Variants in IMMP2L observed in about 807,000 individuals in gnomAD.
IMMP2L encodes the protein inner mitochondrial membrane peptidase subunit 2, also known as mitochondrial inner membrane protease subunit 2.
A neutral mutation model predicts 19.3 loss-of-function variants in IMMP2L; 18 were observed. The ratio of observed to expected loss-of-function variants is 0.93; its 90% CI spans 0.64 to 1.38. The LOEUF is 1.38. Among genes scored for constraint, IMMP2L ranks in the 40% most tolerant of loss-of-function variants. The pLI is 0.00. For missense variants in IMMP2L, 233 were observed against 218.2 expected, an observed-to-expected ratio of 1.07 and a Z score of -0.43; for synonymous variants, 76 against 73.0, an observed-to-expected ratio of 1.04 and a Z score of -0.21.
intron 5 of IMMP2L, among the ~76,000 whole-genome samples, chr7:110,751,664 G>A (rs1797727171): frequency 6.6e-6 from 1 of 151,944 alleles, no homozygotes; most frequent in African/African-American, 2.4e-5. Context: ...TTAGTAACCA[G>A]GAAATTCTAA....
intron 4 of IMMP2L, among the ~76,000 whole-genome samples, chr7:110,914,835 T>A (rs1382890510): frequency 6.6e-6 from 1 of 152,156 alleles, no homozygotes. Context: ...GAAGACCTCC[T>A]ATATGAAAAC....
At chr7:111,093,905 C>A (rs1797129073) in intron 3 of IMMP2L, among the ~76,000 whole-genome samples, 1 of 152,070 alleles carries the variant, frequency 6.6e-6, no homozygotes, top group Non-Finnish European at 1.5e-5. Flanking sequence ...AGGCAACATG[C>A]TGAGTTAGAA....
chr7:111,498,739 T>C (rs1329178355), intron 2 of IMMP2L, among the ~76,000 whole-genome samples: 1 of 152,122 alleles, frequency 6.6e-6, no homozygotes, highest in African/African-American at 2.4e-5. Flanking sequence ...GGATTTTAGA[T>C]CCTTTAGTTC....
At chr7:111,096,139 G>C (rs962192086) in intron 3 of IMMP2L, among the ~76,000 whole-genome samples, 2 of 151,898 alleles carry the variant, frequency 1.3e-5, no homozygotes, top group African/African-American at 4.8e-5. Context: ...ACCATTTACA[G>C]AGCAATTTTT....
intron 3 of IMMP2L, among the ~76,000 whole-genome samples, chr7:111,376,334 T>C (rs1286114240): frequency 6.6e-6 from 1 of 151,942 alleles, no homozygotes; most frequent in African/African-American, 2.4e-5. Context: ...ATCAGGGAAA[T>C]GCAAATCAAA....
Position 110,853,709 on chromosome 7 carries a change from C to G in IMMP2L, c.408+32884G>C, listed in dbSNP as rs142569675. On this transcript the variant is annotated intron_variant, in intron 5 of 5. Transcript: ENST00000405709. ...TCTCTCTAGAAGCACCTGGTGAAAACAGATTTAAGAAAATTCTGAAAACAC... is the reference window on the plus strand; with the variant it reads ...TCTCTCTAGAAGCACCTGGTGAAAAGAGATTTAAGAAAATTCTGAAAACAC... Among the ~76,000 whole-genome samples, 460 of 152,060 alleles carry G rather than the reference C, an allele frequency of 3.0e-3. 4 individuals are homozygous for G. Among genetic ancestry groups the G allele is most frequent in the African/African-American group, 0.01 (425 of 41,514 alleles).
Position 111,270,075 on chromosome 7 carries a change from G to A in IMMP2L, c.239+217163C>T, listed in dbSNP as rs918988722. On this transcript the variant is annotated intron_variant, in intron 3 of 5. Coordinates refer to ENST00000405709, the MANE Select transcript of IMMP2L (RefSeq NM_032549.4). Reference sequence around the variant, plus strand: ...TGTGTGTCTGTGTGTGTGTGTGTGTGTGTGTGTGTGTGTGTGTGTGTATCC... The same window carrying A: ...TGTGTGTCTGTGTGTGTGTGTGTGTATGTGTGTGTGTGTGTGTGTGTATCC... Among the ~76,000 whole-genome samples the A allele has an allele frequency of 1.5e-3, 223 of 151,608 alleles. 1 individual carries two copies. Among genetic ancestry groups the A allele is most frequent in the African/African-American group, 5.1e-3 (211 of 41,324 alleles).
At chr7:111,253,332 A>G (rs80269046) in intron 3 of IMMP2L, among the ~76,000 whole-genome samples, 3 of 152,262 alleles carry the variant, frequency 2.0e-5, no homozygotes, top group African/African-American at 7.2e-5. Context: ...AGAGCAAAAG[A>G]CAGTAGCTGC....
chr7:110,858,798 C>T (rs556587160), intron 5 of IMMP2L, among the ~76,000 whole-genome samples: 12 of 152,018 alleles, frequency 7.9e-5, no homozygotes, highest in Admixed American at 3.9e-4. Context: ...GTTCCCCTTC[C>T]TGTGTCCATG....
intron 4 of IMMP2L, among the ~76,000 whole-genome samples, chr7:110,938,399 G>A (rs974193127): frequency 3.3e-5 from 5 of 152,166 alleles, no homozygotes; most frequent in Admixed American, 6.6e-5. Flanking sequence ...GGCCTCAAGA[G>A]GGATGGTGGA....
chr7:110,913,603 A>C (rs1479393956), intron 4 of IMMP2L, among the ~76,000 whole-genome samples: 1 of 152,180 alleles, frequency 6.6e-6, no homozygotes. Flanking sequence ...TTAAAAGATA[A>C]AAATTTAAAA....
Position 111,347,922 on chromosome 7 carries a change from G to A in IMMP2L, c.239+139316C>T, listed in dbSNP as rs1398990980. Among the ~76,000 whole-genome samples the A allele has an allele frequency of 3.3e-5, 5 of 151,864 alleles. No homozygotes were observed. The East Asian group carries it at 7.8e-4, about 24-fold the overall frequency. On this transcript the variant is annotated intron_variant, in intron 3 of 5. Transcript: ENST00000405709. ...TCTATCAAGACTGGATTAAGAAAAT[G>A]TGGCACATATACACCATGGAATACT...
chr7:110,678,451 A>G (rs953100661), intron 5 of IMMP2L, among the ~76,000 whole-genome samples: 1 of 152,142 alleles, frequency 6.6e-6, no homozygotes, highest in African/African-American at 2.4e-5. Context: ...ATATAAGAAA[A>G]GGTGAATATT....
At chr7:110,676,811 T>C (rs921332376) in intron 5 of IMMP2L, among the ~76,000 whole-genome samples, 3 of 152,200 alleles carry the variant, frequency 2.0e-5, no homozygotes, top group Non-Finnish European at 4.4e-5. Flanking sequence ...GTACACTTCC[T>C]GGTACTGCAC....
At chr7:111,228,971 G>A (rs910605424) in intron 3 of IMMP2L, among the ~76,000 whole-genome samples, 15 of 25,136 alleles carry the variant, frequency 6.0e-4, no homozygotes, top group Non-Finnish European at 1.3e-3. Flanking sequence ...CAATGCGTGT[G>A]TGTGTGTGTG....
At chr7:111,023,987 G>A (rs1419672638) in intron 3 of IMMP2L, among the ~76,000 whole-genome samples, 3 of 152,092 alleles carry the variant, frequency 2.0e-5, no homozygotes, top group Non-Finnish European at 4.4e-5. Context: ...GTAAGAAAAA[G>A]CAAACTATTA....
At chr7:111,114,903 G>A (rs1799690871) in intron 3 of IMMP2L, among the ~76,000 whole-genome samples, 1 of 152,004 alleles carries the variant, frequency 6.6e-6, no homozygotes, top group Admixed American at 6.5e-5. Context: ...TAACTCCCGG[G>A]TCTGCATACT....
At chr7:111,069,634 A>C (rs540289172) in intron 3 of IMMP2L, among the ~76,000 whole-genome samples, 4 of 152,186 alleles carry the variant, frequency 2.6e-5, no homozygotes, top group Admixed American at 6.5e-5. Flanking sequence ...ATGTAGATAC[A>C]CAAAGCAATG....
intron 3 of IMMP2L, among the ~76,000 whole-genome samples, chr7:110,987,221 T>C (rs1821954203): frequency 6.6e-6 from 1 of 152,192 alleles, no homozygotes; most frequent in Admixed American, 6.5e-5. Flanking sequence ...CTTATAAAGA[T>C]GTCAAGGAAG....
Sources: gnomAD v4.1 joint callset for allele counts (sites outside exome capture counted in the v4.1 genomes callset) on GRCh38, gnomAD v4.1.1 for gene constraint, MANE v1.5 for transcripts, NCBI Gene and HGNC (gene_info 2026-07-23, HGNC 2026-07-21) for gene names.